DNAH8: variants seen among roughly 807,000 people sequenced by gnomAD.
DNAH8 encodes axonemal beta dynein heavy chain 8.
A neutral mutation model predicts 562.1 loss-of-function variants in DNAH8; 382 were observed. The observed-to-expected ratio is 0.68, with a 90% CI of 0.63 to 0.74. DNAH8 has a LOEUF of 0.74. DNAH8 is among the 30% of genes least tolerant of loss of function. The pLI, the probability that DNAH8 is intolerant of heterozygous loss-of-function variation, is 0.00. For synonymous variants in DNAH8, 1,881 were observed against 1,919.4 expected, an observed-to-expected ratio of 0.98 and a Z score of 0.52; for missense variants, 5,203 against 5,620.4, an observed-to-expected ratio of 0.93 and a Z score of 2.37.
At chr6:38,877,006 A>T (rs909251981) in intron 53 of DNAH8, among the ~76,000 whole-genome samples, 20 of 152,220 alleles carry the variant, frequency 1.3e-4, no homozygotes, top group African/African-American at 4.8e-4. Flanking sequence ...GGGCACTCTA[A>T]CTCAAAATGC....
chr6:38,899,988 A>T, intron 62 of DNAH8, 82 bp downstream of exon 62: 1 of 1,207,428 alleles, frequency 8.3e-7, no homozygotes, highest in Non-Finnish European at 1.1e-6. Context: ...GAAGCACAAC[A>T]GTTTCCTGTA....
At chr6:38,945,690 A>T (rs1407869360) in intron 80 of DNAH8, 102 bp downstream of exon 80, 1 of 1,480,312 alleles carries the variant, frequency 6.8e-7, no homozygotes, top group Non-Finnish European at 9.2e-7. Context: ...TCACCCAAAA[A>T]AGTCAACCCA....
At chr6:38,817,157 A>G (rs1583083923) in intron 26 of DNAH8, among the ~76,000 whole-genome samples, 1 of 152,186 alleles carries the variant, frequency 6.6e-6, no homozygotes. Flanking sequence ...ATCCTGGCCA[A>G]CATGGCAAAA....
intron 82 of DNAH8, among the ~76,000 whole-genome samples, chr6:38,971,385 G>A (rs992144966): frequency 2.6e-5 from 4 of 151,176 alleles, no homozygotes; most frequent in African/African-American, 7.3e-5. Flanking sequence ...CCCAACCCAC[G>A]CTTTTCCGGG....
intron 91 of DNAH8, among the ~76,000 whole-genome samples, chr6:39,018,559 T>C (rs1209129280): frequency 6.6e-6 from 1 of 152,178 alleles, no homozygotes; most frequent in African/African-American, 2.4e-5. Context: ...GCATGCTCAT[T>C]CCTCACTTCC....
chr6:38,818,536 G>GAAAAAAAAAAAAA (rs1562891460), intron 26 of DNAH8, among the ~76,000 whole-genome samples: 2 of 17,206 alleles, frequency 1.2e-4, no homozygotes, highest in South Asian at 1.6e-3. Flanking sequence ...AAAAGCAAAA[G>GAAAAAAAAAAAAA]CAAAAAAAAA....
At chr6:38,717,996 A>G (rs371284364) in intron 1 of DNAH8, among the ~76,000 whole-genome samples, 1 of 152,196 alleles carries the variant, frequency 6.6e-6, no homozygotes, top group African/African-American at 2.4e-5. Flanking sequence ...TTATTATGCA[A>G]TGTGTCTTGC....
At chr6:38,815,785 TA>T in intron 26 of DNAH8, 128 bp downstream of exon 26, 1 of 912,766 alleles carries the variant, frequency 1.1e-6, no homozygotes, top group Non-Finnish European at 1.6e-6. Context: ...ATCTTAAACA[TA>T]ACGTGCAGGC....
chr6:38,922,733 T>C (rs1393473078), intron 71 of DNAH8, among the ~76,000 whole-genome samples: 2 of 152,160 alleles, frequency 1.3e-5, no homozygotes, highest in Non-Finnish European at 2.9e-5. Context: ...ATCCAAGACA[T>C]CAAAATGGCA....
chr6:38,864,065 G>GA lies in DNAH8; in HGVS notation c.6498+11dup. 6.3e-7 allele frequency: 1 copy of GA among 1,597,826 alleles called. No individual in the cohort carries two copies. The highest frequency in any genetic ancestry group is 8.5e-7 in the Non-Finnish European group (1 of 1,176,176). On this transcript the variant is annotated splice_donor_region_variant and intron_variant, in intron 45 of 92. Coordinates refer to ENST00000327475, the MANE Select transcript of DNAH8 (RefSeq NM_001206927.2). ...TTTGGAATCTTCTTAACGATGGTGA[G>GA]AAAAAAGGCTTTAAATGCAATTTAA... is the stretch of plus-strand genomic sequence containing the variant.
intron 21 of DNAH8, among the ~76,000 whole-genome samples, chr6:38,801,965 A>G (rs1345244243): frequency 6.6e-6 from 1 of 151,196 alleles, no homozygotes; most frequent in African/African-American, 2.4e-5. Context: ...TTTTTTTGAG[A>G]CAGGGTCTTG....
In DNAH8 at chr6:38,970,495, G is replaced by T. The variant is rs116169879; in HGVS notation, c.12452-1097G>T. 2.8e-3 allele frequency among the ~76,000 whole-genome samples: 428 copies of T among 152,168 alleles called. 3 individuals are homozygous for T. The highest frequency in any genetic ancestry group is 5.4e-3 in the Admixed American group (82 of 15,284). ...TGAGTGCTCTTCCATCCTCCTTCAG[G>T]CTCTCATTGCAAAGTGTCTCCCTGT... On this transcript the variant is annotated intron_variant, in intron 82 of 92. Coordinates refer to ENST00000327475, the MANE Select transcript of DNAH8 (RefSeq NM_001206927.2).
intron 82 of DNAH8, among the ~76,000 whole-genome samples, chr6:38,967,564 A>G (rs1306510074): frequency 2.0e-5 from 3 of 152,142 alleles, no homozygotes; most frequent in Non-Finnish European, 4.4e-5. Context: ...ACTTAGGAAT[A>G]AATTCAATAA....
At position 38,971,696 on chromosome 6, in the gene DNAH8, C is replaced by T. The variant is rs376274063; in HGVS notation, c.12525+31C>T. ...TGACAAGAGACTGCTCCTGCTGCAA[C>T]ATTATTGCTAGAAACCCCACAATCA... On this transcript the variant is annotated intron_variant, in intron 83 of 92. Coordinates refer to ENST00000327475, the MANE Select transcript of DNAH8 (RefSeq NM_001206927.2). 25 of 1,511,166 alleles carry T rather than the reference C, an allele frequency of 1.7e-5. No individual in the cohort carries two copies. The East Asian group carries it at 2.8e-4, about 17-fold the overall frequency. 93.6% of individuals were successfully genotyped at this position (1,511,166 alleles called of 1,614,324 possible).
rs1777733330 is a variant in DNAH8 at position 38,874,074 on chromosome 6, T to TTCTTTCTTTCTC, written c.7620+709_7620+710insCTCTTTCTTTCT. Among the ~76,000 whole-genome samples the TTCTTTCTTTCTC allele has an allele frequency of 1.6e-4, 16 of 100,554 alleles. 4 individuals carry two copies. Among genetic ancestry groups the TTCTTTCTTTCTC allele is most frequent in the Non-Finnish European group, 3.3e-4 (16 of 48,080 alleles). 66.0% of individuals were successfully genotyped at this position (100,554 alleles called of 152,430 possible). A position where few individuals can be genotyped will look rare whatever the true frequency, so the allele number is the denominator to read the frequency against. ...TCTTTCTTTCTTTCTTTCTTTTTCT[T>TTCTTTCTTTCTC]TCTTTCTTTCTTTCTTTCTTTCTCT... On this transcript the variant is annotated intron_variant, in intron 52 of 92. Transcript: ENST00000327475.
chr6:38,899,791 C>T lies in DNAH8; in HGVS notation c.9079C>T (p.Arg3027Ter), dbSNP rs747550558. 20 of 1,613,410 alleles carry T rather than the reference C, an allele frequency of 1.2e-5. No individual in the cohort carries two copies. The highest frequency in any genetic ancestry group is 1.7e-5 in the Admixed American group (1 of 59,976). Residue 3027 changes from arginine to a stop codon, truncating the protein, a stop_gained, in exon 62 of 93, where the codon CGA becomes TGA. Coordinates refer to ENST00000327475, the MANE Select transcript of DNAH8 (RefSeq NM_001206927.2). LOFTEE classifies it high-confidence loss of function. ...CTCAAAACAGATTTCACGAATAATT[C>T]GAACGTCGTGTGGAAATGCATTGCT... Reference protein sequence around the residue: ...THLIKISRIIRTSCGNALLVG... With the variant: ...THLIKISRII
intron 45 of DNAH8, among the ~76,000 whole-genome samples, chr6:38,865,529 C>T (rs1776965790): frequency 6.6e-6 from 1 of 152,172 alleles, no homozygotes; most frequent in Non-Finnish European, 1.5e-5. Flanking sequence ...TTTTATGGTT[C>T]TACTCCATCA....
intron 74 of DNAH8, among the ~76,000 whole-genome samples, chr6:38,926,435 T>C (rs903456950): frequency 6.6e-6 from 1 of 152,162 alleles, no homozygotes; most frequent in Non-Finnish European, 1.5e-5. Context: ...TTTCCCTGAC[T>C]CCATTGCTTT....
In DNAH8 at chr6:38,866,753, C is replaced by T. The variant is rs1184939563; in HGVS notation, c.6586-16C>T. 6.2e-7 allele frequency: 1 copy of T among 1,601,496 alleles called. No individual in the cohort carries two copies. Among genetic ancestry groups the T allele is most frequent in the Non-Finnish European group, 8.5e-7 (1 of 1,170,868 alleles). Reference sequence around the variant, plus strand: ...TTTCACTAAAGTTGAAAAAAACTCACTATATTAATTTTCAGATCATTATGA... The same window carrying T: ...TTTCACTAAAGTTGAAAAAAACTCATTATATTAATTTTCAGATCATTATGA... On this transcript the variant is annotated splice_polypyrimidine_tract_variant and intron_variant, in intron 46 of 92. Coordinates refer to ENST00000327475, the MANE Select transcript of DNAH8 (RefSeq NM_001206927.2).
Sources: gnomAD v4.1 joint callset for allele counts (sites outside exome capture counted in the v4.1 genomes callset) on GRCh38, gnomAD v4.1.1 for gene constraint, MANE v1.5 for transcripts, NCBI Gene and HGNC (gene_info 2026-07-23, HGNC 2026-07-21) for gene names.